The following EDARADD variants were observed in gnomAD, a reference collection of about 807,000 sequenced individuals.
EDARADD encodes the protein EDAR associated via death domain.
Under a neutral mutation model 25.6 loss-of-function variants are expected in EDARADD, and 20 were observed. The observed-to-expected ratio is 0.78, with a 90% CI of 0.55 to 1.14. EDARADD has a LOEUF of 1.14. Among genes scored for constraint, EDARADD ranks in the 50% most tolerant of loss-of-function variants. The pLI, the probability that EDARADD is intolerant of heterozygous loss-of-function variation, is 0.00. For missense variants in EDARADD, 225 were observed against 270.1 expected, an observed-to-expected ratio of 0.83 and a Z score of 1.17; for synonymous variants, 86 against 94.4, an observed-to-expected ratio of 0.91 and a Z score of 0.52.
At position 236,421,210 on chromosome 1, in the gene EDARADD, G is replaced by A. The variant is rs1024365441; in HGVS notation, c.161-6182G>A. Among the ~76,000 whole-genome samples, 3 of 146,996 alleles carry A rather than the reference G, an allele frequency of 2.0e-5. 1 individual carries two copies. The highest frequency in any genetic ancestry group is 1.4e-4 in the Admixed American group (2 of 14,062). Reference sequence around the variant, plus strand: ...GGGAGGACACTGTGCGTCATGCAGGGCCACATGGAGGTTGCACTTAGGAGC... The same window carrying A: ...GGGAGGACACTGTGCGTCATGCAGGACCACATGGAGGTTGCACTTAGGAGC... On this transcript the variant is annotated intron_variant, in intron 3 of 5. Coordinates refer to ENST00000334232, the MANE Select transcript of EDARADD (RefSeq NM_145861.4).
At chr1:236,406,004 G>T (rs1667728772) in intron 1 of EDARADD, among the ~76,000 whole-genome samples, 1 of 149,142 alleles carries the variant, frequency 6.7e-6, no homozygotes, top group South Asian at 2.1e-4. Context: ...AGCGGGCATT[G>T]TTTGCAGAGG....
intron 3 of EDARADD, among the ~76,000 whole-genome samples, chr1:236,422,891 T>C (rs1657817259): frequency 6.6e-6 from 1 of 152,228 alleles, no homozygotes; most frequent in Non-Finnish European, 1.5e-5. Context: ...CAAGGCATAA[T>C]GGACAGCGCA....
intron 3 of EDARADD, among the ~76,000 whole-genome samples, chr1:236,358,132 A>G (rs1335939714): frequency 6.6e-6 from 1 of 152,168 alleles, no homozygotes; most frequent in Admixed American, 6.5e-5. Flanking sequence ...TCACCTCCCA[A>G]AGTGCTAGGA....
chr1:236,391,985 T>G (rs945661689), upstream of EDARADD, among the ~76,000 whole-genome samples: 19 of 152,334 alleles, frequency 1.2e-4, no homozygotes, highest in African/African-American at 4.6e-4. Context: ...ACATCTTTCC[T>G]GGTTTAAACT....
chr1:236,391,934 C>T (rs944908460), upstream of EDARADD, among the ~76,000 whole-genome samples: 7 of 152,170 alleles, frequency 4.6e-5, no homozygotes, highest in Admixed American at 3.3e-4. Flanking sequence ...ATGACCAAGC[C>T]ACTTTGCTTC....
intron 2 of EDARADD, among the ~76,000 whole-genome samples, chr1:236,411,640 C>A (rs529462270): frequency 6.6e-6 from 1 of 152,072 alleles, no homozygotes; most frequent in South Asian, 2.1e-4. Flanking sequence ...CCTCTGCCTC[C>A]CAGGTTCAAG....
chr1:236,391,252 G>T (rs2102998697), upstream of EDARADD, among the ~76,000 whole-genome samples: 1 of 152,328 alleles, frequency 6.6e-6, no homozygotes, highest in East Asian at 1.9e-4. Context: ...AGTCAGGGGT[G>T]ATGTCGCCAC....
intron 4 of EDARADD, among the ~76,000 whole-genome samples, chr1:236,432,567 G>GT (rs749435401): frequency 2.0e-5 from 3 of 152,024 alleles, no homozygotes; most frequent in African/African-American, 4.8e-5. Flanking sequence ...TACAAAACAA[G>GT]TTTTTTTAGT....
intron 3 of EDARADD, among the ~76,000 whole-genome samples, chr1:236,385,705 C>A (rs532738912): frequency 2.8e-5 from 4 of 141,576 alleles, no homozygotes. Flanking sequence ...GCTTGGGCGA[C>A]AAGAGCGAAA....
In EDARADD at chr1:236,362,719, G is replaced by A. The variant is rs7550391; in HGVS notation, c.-6+11880G>A. On this transcript the variant is annotated intron_variant, in intron 3 of 7. Transcript: ENST00000439430. Reference sequence around the variant, plus strand: ...TAGAATCAATTTTGAGTTAATTTTTGTATATTGTGAAGTATTCAAATTCTT... The same window carrying A: ...TAGAATCAATTTTGAGTTAATTTTTATATATTGTGAAGTATTCAAATTCTT... 6.2e-3 allele frequency among the ~76,000 whole-genome samples: 948 copies of A among 151,866 alleles called. 11 individuals are homozygous for A. The highest frequency in any genetic ancestry group is 0.021 in the African/African-American group (890 of 41,400).
intron 3 of EDARADD, among the ~76,000 whole-genome samples, chr1:236,417,142 A>T (rs1657659090): frequency 6.9e-6 from 1 of 145,018 alleles, no homozygotes; most frequent in Admixed American, 7.0e-5. Context: ...ATAAATAAAT[A>T]AATAAGTTGT....
At chr1:236,433,990 A>G (rs1658175926) in intron 4 of EDARADD, among the ~76,000 whole-genome samples, 1 of 152,096 alleles carries the variant, frequency 6.6e-6, no homozygotes, top group Admixed American at 6.6e-5. Flanking sequence ...AGTTTGCTCC[A>G]TGATTTTGCC....
chr1:236,467,418 ACACACGCG>A (rs903087020), intron 4 of EDARADD, among the ~76,000 whole-genome samples: 8 of 91,738 alleles, frequency 8.7e-5, no homozygotes, highest in East Asian at 1.0e-3. Context: ...TGGGAAGCAC[ACACACGCG>A]CACACACACA....
At chr1:236,371,949 TTTTA>T (rs1284590502) in intron 3 of EDARADD, among the ~76,000 whole-genome samples, 3 of 151,772 alleles carry the variant, frequency 2.0e-5, no homozygotes, top group Non-Finnish European at 4.4e-5. Flanking sequence ...TTTTTTTAAT[TTTTA>T]TTTATTTATT....
intron 2 of EDARADD, among the ~76,000 whole-genome samples, chr1:236,349,891 C>T (rs995944299): frequency 6.6e-6 from 1 of 152,136 alleles, no homozygotes; most frequent in Non-Finnish European, 1.5e-5. Flanking sequence ...GCAGGCAGAT[C>T]GCCTGAGGTC....
chr1:236,383,837 G>A (rs1353219653), intron 3 of EDARADD, among the ~76,000 whole-genome samples: 1 of 151,912 alleles, frequency 6.6e-6, no homozygotes, highest in African/African-American at 2.4e-5. Context: ...TACCATATCT[G>A]TACAAAAAGT....
chr1:236,460,665 A>G (rs186784683), intron 4 of EDARADD, among the ~76,000 whole-genome samples: 158 of 152,294 alleles, frequency 1.0e-3, no homozygotes, highest in Non-Finnish European at 2.0e-3. Context: ...GAAAAACCCA[A>G]CAGGAGATTC....
intron 3 of EDARADD, among the ~76,000 whole-genome samples, chr1:236,358,657 C>T (rs889739473): frequency 5.9e-5 from 9 of 152,156 alleles, no homozygotes; most frequent in Non-Finnish European, 1.3e-4. Flanking sequence ...GCAGGTTGTT[C>T]AATTTCCATG....
At chr1:236,441,281 A>G (rs944071988) in intron 4 of EDARADD, among the ~76,000 whole-genome samples, 1 of 145,048 alleles carries the variant, frequency 6.9e-6, no homozygotes, top group Non-Finnish European at 1.5e-5. Flanking sequence ...ATATATATAT[A>G]TTATATATAT....
Sources: gnomAD v4.1 joint callset for allele counts (sites outside exome capture counted in the v4.1 genomes callset) on GRCh38, gnomAD v4.1.1 for gene constraint, MANE v1.5 for transcripts, NCBI Gene and HGNC (gene_info 2026-07-23, HGNC 2026-07-21) for gene names.